LMO7: variants seen among roughly 807,000 people sequenced by gnomAD.
LMO7 encodes LIM domain only protein 7.
A neutral mutation model predicts 206.5 loss-of-function variants in LMO7; 120 were observed. That is an observed-to-expected ratio of 0.58 (90% CI 0.50 to 0.68). The LOEUF is 0.68. Among genes scored for constraint, LMO7 ranks in the 30% least tolerant of loss-of-function variants. The probability of loss-of-function intolerance (pLI) is 0.00; values close to 1 mark genes in which losing one functional copy is unlikely to be tolerated. For synonymous variants in LMO7, 706 were observed against 681.5 expected (o/e 1.04, Z -0.56); for missense variants, 1,959 against 1,957.9 (o/e 1.00, Z -0.01).
chr13:75,737,752 C>CAAAAAAAAA (rs374266925), intron 3 of LMO7, among the ~76,000 whole-genome samples: 7 of 35,380 alleles, frequency 2.0e-4, no homozygotes, highest in Non-Finnish European at 2.5e-4. Context: ...GACTCCGTCT[C>CAAAAAAAAA]AAAAAAAAAA....
intron 3 of LMO7, among the ~76,000 whole-genome samples, chr13:75,743,127 A>G (rs1034922514): frequency 6.6e-6 from 1 of 152,236 alleles, no homozygotes; most frequent in Non-Finnish European, 1.5e-5. Context: ...AAAGCTCGAC[A>G]TCACTAATCA....
intron 4 of LMO7, among the ~76,000 whole-genome samples, chr13:75,791,660 A>G (rs940470438): frequency 6.6e-6 from 1 of 152,166 alleles, no homozygotes; most frequent in African/African-American, 2.4e-5. Context: ...AAAAATGCCT[A>G]TAGTAGATGG....
chr13:75,837,398 T>A (rs1286436361), intron 19 of LMO7, among the ~76,000 whole-genome samples: 1 of 152,210 alleles, frequency 6.6e-6, no homozygotes, highest in Non-Finnish European at 1.5e-5. Flanking sequence ...TGATCAGACA[T>A]CTAGCTCTAT....
At chr13:75,642,482 A>G (rs1286387009) in intron 1 of LMO7, among the ~76,000 whole-genome samples, 1 of 148,208 alleles carries the variant, frequency 6.7e-6, no homozygotes, top group Non-Finnish European at 1.5e-5. Flanking sequence ...ACACACCTGC[A>G]TTCTTGGCTG....
At chr13:75,854,232 T>A (rs1289491151) in intron 28 of LMO7, among the ~76,000 whole-genome samples, 1 of 152,210 alleles carries the variant, frequency 6.6e-6, no homozygotes, top group African/African-American at 2.4e-5. Context: ...TAGAAACACA[T>A]TGATTAATAT....
chr13:75,807,609 A>G lies in LMO7; in HGVS notation c.1326A>G (p.Pro442=). The stretch of plus-strand genomic sequence containing the variant: ...GCAGGAAGAATCTCTCTTATGCACC[A>G]GGCTATAGAAGAGATGACCTCGAGA... ...ITRRKNLSYA[P]GYRRDDLEMA... Residue 442 remains proline, a synonymous_variant, in exon 10 of 31, where the codon CCA becomes CCG. Transcript: ENST00000377534. The G allele has an allele frequency of 6.2e-7, 1 of 1,614,002 alleles. No homozygotes were observed. The highest frequency in any genetic ancestry group is 8.5e-7 in the Non-Finnish European group (1 of 1,179,888).
At chr13:75,707,152 T>C (rs1156260624) in intron 1 of LMO7, among the ~76,000 whole-genome samples, 1 of 151,148 alleles carries the variant, frequency 6.6e-6, no homozygotes, top group African/African-American at 2.4e-5. Flanking sequence ...TAAATTTATT[T>C]ATAAATTTAT....
At chr13:75,728,491 ATTTG>A (rs2044718642) in intron 3 of LMO7, among the ~76,000 whole-genome samples, 1 of 144,430 alleles carries the variant, frequency 6.9e-6, no homozygotes, top group Non-Finnish European at 1.5e-5. Context: ...TTTCTTGTAA[ATTTG>A]TTTGAGTTCA....
At chr13:75,856,480 G>C (rs755859072) in intron 29 of LMO7, 26 bp from the exon 30 acceptor site, 2 of 1,417,604 alleles carry the variant, frequency 1.4e-6, no homozygotes, top group South Asian at 2.3e-5. Flanking sequence ...ACTGATTGTA[G>C]ATGTTCTTTT....
At chr13:75,716,721 A>C (rs1034010550) in intron 2 of LMO7, among the ~76,000 whole-genome samples, 1 of 152,148 alleles carries the variant, frequency 6.6e-6, no homozygotes, top group African/African-American at 2.4e-5. Context: ...TAAAAAATAT[A>C]AAAGATGTAT....
chr13:75,785,264 A>G (rs2052235034), intron 4 of LMO7, among the ~76,000 whole-genome samples: 1 of 152,146 alleles, frequency 6.6e-6, no homozygotes, highest in Non-Finnish European at 1.5e-5. Context: ...ATTTGTGATT[A>G]CCCTCATACT....
chr13:75,828,765 G>C (rs960639638), intron 15 of LMO7, among the ~76,000 whole-genome samples: 11 of 152,162 alleles, frequency 7.2e-5, no homozygotes, highest in African/African-American at 2.7e-4. Context: ...GGAGTTTAGG[G>C]GAGATCATGG....
chr13:75,696,273 T>C (rs2041895766), intron 1 of LMO7, among the ~76,000 whole-genome samples: 1 of 152,156 alleles, frequency 6.6e-6, no homozygotes, highest in Non-Finnish European at 1.5e-5. Flanking sequence ...GAGAATGGCT[T>C]GAACCTGGGA....
At chr13:75,721,618 G>T (rs1331469985) in intron 2 of LMO7, among the ~76,000 whole-genome samples, 1 of 152,094 alleles carries the variant, frequency 6.6e-6, no homozygotes, top group Non-Finnish European at 1.5e-5. Context: ...CTCCCATTCT[G>T]TCCAGGTTGC....
Position 75,852,306 on chromosome 13 carries a change from C to T in LMO7, c.4365-786C>T, listed in dbSNP as rs920746700. ...AAACATTGAGTACATATGGATACAACGAAGGAAACAGTAGACACCCATGGC... is the reference window on the plus strand; with the variant it reads ...AAACATTGAGTACATATGGATACAATGAAGGAAACAGTAGACACCCATGGC... On this transcript the variant is annotated intron_variant, in intron 27 of 30. Coordinates refer to ENST00000377534, the MANE Select transcript of LMO7 (RefSeq NM_001306080.2). 7.2e-5 allele frequency among the ~76,000 whole-genome samples: 11 copies of T among 152,170 alleles called. No homozygotes were observed. The East Asian group carries it at 1.2e-3, about 16-fold the overall frequency.
intron 1 of LMO7, among the ~76,000 whole-genome samples, chr13:75,684,329 G>A (rs1320410471): frequency 1.1e-4 from 16 of 152,066 alleles, no homozygotes; most frequent in Non-Finnish European, 2.2e-4. Flanking sequence ...TGCAACCTCC[G>A]CCTCCCAGGT....
In LMO7 at chr13:75,858,127, T is replaced by C. The variant is rs2061112841; in HGVS notation, c.*184T>C. The C allele has an allele frequency of 5.5e-6, 3 of 546,828 alleles. No homozygotes were observed. Among genetic ancestry groups the C allele is most frequent in the African/African-American group, 2.0e-5 (1 of 51,028 alleles). The allele number at this position is 546,828 out of a possible 1,614,324, so 33.9% of individuals were successfully genotyped here. ...TGGTAGAACCAGTATTTTTGTTGTT[T>C]ATTTATAAGGTAATTGTGTGTGGGG... On this transcript the variant is annotated 3_prime_UTR_variant, in exon 31 of 31. Coordinates refer to ENST00000377534, the MANE Select transcript of LMO7 (RefSeq NM_001306080.2).
chr13:75,770,355 C>A (rs1376864009), intron 4 of LMO7, among the ~76,000 whole-genome samples: 1 of 151,946 alleles, frequency 6.6e-6, no homozygotes, highest in Non-Finnish European at 1.5e-5. Context: ...GGGAGTTTGG[C>A]TAGAGCCTCA....
At chr13:75,835,570 C>T (rs775827912) in intron 18 of LMO7, among the ~76,000 whole-genome samples, 1 of 152,078 alleles carries the variant, frequency 6.6e-6, no homozygotes, top group Non-Finnish European at 1.5e-5. Context: ...TCCAAAGACC[C>T]CATAATGTTG....
Sources: gnomAD v4.1 joint callset for allele counts (sites outside exome capture counted in the v4.1 genomes callset) on GRCh38, gnomAD v4.1.1 for gene constraint, MANE v1.5 for transcripts, NCBI Gene and HGNC (gene_info 2026-07-23, HGNC 2026-07-21) for gene names.